AGTPBP1: variants seen among roughly 807,000 people sequenced by gnomAD.
The protein encoded by AGTPBP1 is ATP/GTP binding carboxypeptidase 1.
A neutral mutation model predicts 143.9 loss-of-function variants in AGTPBP1; 70 were observed. The ratio of observed to expected loss-of-function variants is 0.49; its 90% CI spans 0.40 to 0.59. The LOEUF (loss-of-function observed/expected upper bound fraction) is 0.59, where lower values mean the gene tolerates loss of function less well. AGTPBP1 is among the 20% of genes least tolerant of loss of function. The pLI, the probability that AGTPBP1 is intolerant of heterozygous loss-of-function variation, is 0.00. For synonymous variants in AGTPBP1, 463 were observed against 500.2 expected (o/e 0.93, Z 0.99); for missense variants, 1,229 against 1,464.5 (o/e 0.84, Z 2.62).
intron 13 of AGTPBP1, 135 bp downstream of exon 13, chr9:85,642,692 T>C (rs1832563610): frequency 2.8e-6 from 2 of 721,046 alleles, no homozygotes; most frequent in Non-Finnish European, 4.6e-6. Flanking sequence ...AATTATTCAA[T>C]GCCACTCAGA....
intron 25 of AGTPBP1, among the ~76,000 whole-genome samples, chr9:85,551,104 G>C (rs534895298): frequency 1.2e-5 from 1 of 83,042 alleles, no homozygotes; most frequent in Admixed American, 9.6e-5. Flanking sequence ...TGCCTTCCAC[G>C]AGTAAAAGCT....
chr9:85,749,922 C>A, the AGTPBP1 span, among the ~76,000 whole-genome samples: 2 of 151,226 alleles, frequency 1.3e-5, no homozygotes, highest in Non-Finnish European at 2.9e-5. Flanking sequence ...CTCTTTGTTG[C>A]CCAGGCTGGA....
chr9:85,612,989 A>C (rs186672459), intron 17 of AGTPBP1, among the ~76,000 whole-genome samples: 3 of 152,206 alleles, frequency 2.0e-5, no homozygotes, highest in African/African-American at 7.2e-5. Context: ...CCAGATATTA[A>C]GCCACAAAAA....
At chr9:85,731,703 G>T (rs753608275) in intron 1 of AGTPBP1, among the ~76,000 whole-genome samples, 2 of 152,036 alleles carry the variant, frequency 1.3e-5, no homozygotes, top group South Asian at 4.2e-4. Flanking sequence ...TTCCACCTTG[G>T]CCTCCCAAAG....
At chr9:85,652,157 A>G (rs1833202092) in intron 11 of AGTPBP1, among the ~76,000 whole-genome samples, 1 of 152,158 alleles carries the variant, frequency 6.6e-6, no homozygotes, top group Admixed American at 6.5e-5. Flanking sequence ...TAGCCTTATA[A>G]TTAAGCAATC....
the AGTPBP1 span, among the ~76,000 whole-genome samples, chr9:85,772,664 G>C: frequency 6.6e-6 from 1 of 151,914 alleles, no homozygotes; most frequent in African/African-American, 2.4e-5. Context: ...GAGGTGGGAG[G>C]ATCACTTGAT....
intron 2 of AGTPBP1, among the ~76,000 whole-genome samples, chr9:85,697,809 T>C (rs1268312798): frequency 6.6e-6 from 1 of 152,150 alleles, no homozygotes; most frequent in Non-Finnish European, 1.5e-5. Flanking sequence ...AACAAAAGTT[T>C]TTTGGAGTAT....
the AGTPBP1 span, among the ~76,000 whole-genome samples, chr9:85,777,203 G>A: frequency 2.6e-5 from 4 of 152,182 alleles, no homozygotes; most frequent in African/African-American, 9.7e-5. Flanking sequence ...CAGTGAATAA[G>A]GCATTCTGTG....
chr9:85,641,704 C>T (rs1564095396), intron 13 of AGTPBP1, among the ~76,000 whole-genome samples: 2 of 145,380 alleles, frequency 1.4e-5, no homozygotes, highest in East Asian at 2.0e-4. Context: ...ATAAATGTTT[C>T]TTTTTTTTTT....
At chr9:85,716,215 G>A (rs1837696186) in intron 1 of AGTPBP1, among the ~76,000 whole-genome samples, 1 of 152,184 alleles carries the variant, frequency 6.6e-6, no homozygotes, top group African/African-American at 2.4e-5. Flanking sequence ...CCTATCAGCA[G>A]CATTTGATAC....
chr9:85,757,962 T>C, the AGTPBP1 span, among the ~76,000 whole-genome samples: 1 of 152,362 alleles, frequency 6.6e-6, no homozygotes, highest in Non-Finnish European at 1.5e-5. Flanking sequence ...ATCTATTTCC[T>C]AATCTCTACT....
intron 25 of AGTPBP1, among the ~76,000 whole-genome samples, chr9:85,564,141 A>G (rs954145151): frequency 6.6e-6 from 1 of 152,250 alleles, no homozygotes; most frequent in Admixed American, 6.5e-5. Context: ...GACTGCCTGG[A>G]GGCTTAGGGA....
chr9:85,745,639 T>C (rs556754020), upstream of AGTPBP1, among the ~76,000 whole-genome samples: 2 of 152,252 alleles, frequency 1.3e-5, no homozygotes, highest in East Asian at 3.9e-4. Flanking sequence ...TGATGCAAAA[T>C]CTTTTACAGT....
Position 85,633,166 on chromosome 9 carries a change from T to A in AGTPBP1, c.1511A>T (p.Asp504Val), listed in dbSNP as rs1368408205. 1 of 1,613,482 alleles carries A rather than the reference T, an allele frequency of 6.2e-7. No homozygotes were observed. Among genetic ancestry groups the A allele is most frequent in the African/African-American group, 1.3e-5 (1 of 74,946 alleles). Residue 504 changes from aspartate to valine, a missense_variant, in exon 14 of 26, where the codon GAT becomes GTT. This residue lies in a region of AGTPBP1 where 743 missense variants were observed against 812.2 expected (regional missense o/e 0.91). Transcript: ENST00000357081. ...CTGCTGTTGTAATGTTCTATCATTATCTTTAATATCTTCTTTTGCTAGATC... is the reference window on the plus strand; with the variant it reads ...CTGCTGTTGTAATGTTCTATCATTAACTTTAATATCTTCTTTTGCTAGATC... ...FMDLAKEDIKDNDRTLQQQPG... is the reference protein window; with the variant it reads ...FMDLAKEDIKVNDRTLQQQPG...
the AGTPBP1 span, chr9:85,764,742 G>A: frequency 3.8e-5 from 48 of 1,273,290 alleles, no homozygotes; most frequent in East Asian, 2.8e-4. Context: ...GTATCAACTC[G>A]CCTGAACTTA....
intron 1 of AGTPBP1, among the ~76,000 whole-genome samples, chr9:85,718,019 T>C (rs1399268952): frequency 1.3e-5 from 2 of 152,248 alleles, no homozygotes; most frequent in African/African-American, 2.4e-5. Flanking sequence ...CATCATTTTT[T>C]ATGGCTGCAT....
the AGTPBP1 span, chr9:85,753,302 A>G: frequency 8.7e-6 from 14 of 1,613,778 alleles, no homozygotes; most frequent in East Asian, 2.2e-5. Flanking sequence ...TTCTTTTTCT[A>G]TAGGAACTAC....
At chr9:85,722,677 A>G (rs867347677) in intron 1 of AGTPBP1, among the ~76,000 whole-genome samples, 10 of 152,092 alleles carry the variant, frequency 6.6e-5, no homozygotes, top group African/African-American at 2.2e-4. Context: ...ACTTCTGTCA[A>G]CTCATCAAAC....
At chr9:85,620,420 T>TA (rs67311066) in intron 15 of AGTPBP1, among the ~76,000 whole-genome samples, 21,893 of 103,718 alleles carry the variant, frequency 0.21, 2,552 homozygotes, top group East Asian at 0.54. Context: ...GGACTTCATC[T>TA]AAAAAAAAAA....
Sources: gnomAD v4.1 joint callset for allele counts (sites outside exome capture counted in the v4.1 genomes callset) on GRCh38, gnomAD v4.1.1 for gene constraint, gnomAD v4.1.1 regional missense constraint, MANE v1.5 for transcripts, NCBI Gene and HGNC (gene_info 2026-07-23, HGNC 2026-07-21) for gene names.